Variants in NSMCE2 observed in about 807,000 individuals in gnomAD.
NSMCE2 encodes NSE2 SUMO ligase component of SMC5/6 complex, also known as E3 SUMO-protein ligase NSE2.
NSMCE2 carries 24 observed loss-of-function variants against 23.8 expected under a neutral mutation model. The ratio of observed to expected loss-of-function variants is 1.01; its 90% CI spans 0.73 to 1.42. The LOEUF (loss-of-function observed/expected upper bound fraction) is 1.42, where lower values mean the gene tolerates loss of function less well. Among genes scored for constraint, NSMCE2 ranks in the 40% most tolerant of loss-of-function variants. The pLI, the probability that NSMCE2 is intolerant of heterozygous loss-of-function variation, is 0.00. For synonymous variants in NSMCE2, 92 were observed against 94.1 expected (o/e 0.98, Z 0.13); for missense variants, 284 against 296.5 (o/e 0.96, Z 0.31).
At chr8:125,112,889 A>G (rs1343604137) in intron 3 of NSMCE2, among the ~76,000 whole-genome samples, 1 of 152,220 alleles carries the variant, frequency 6.6e-6, no homozygotes, top group Non-Finnish European at 1.5e-5. Flanking sequence ...GTAGATTTTA[A>G]GTGTTTTCAC....
At chr8:125,159,220 T>C (rs1163024839) in intron 4 of NSMCE2, among the ~76,000 whole-genome samples, 1 of 152,246 alleles carries the variant, frequency 6.6e-6, no homozygotes, top group Non-Finnish European at 1.5e-5. Flanking sequence ...TGTTAATCTC[T>C]TGCTGTGTGT....
chr8:125,357,462 C>T (rs983938050), intron 6 of NSMCE2, 143 bp downstream of exon 6: 15 of 680,256 alleles, frequency 2.2e-5, no homozygotes, highest in South Asian at 7.4e-5. Context: ...AGAGTATCCA[C>T]GGGAGGTTCT....
At chr8:125,198,634 T>C (rs1299563116) in intron 5 of NSMCE2, among the ~76,000 whole-genome samples, 1 of 152,240 alleles carries the variant, frequency 6.6e-6, no homozygotes, top group Non-Finnish European at 1.5e-5. Flanking sequence ...ATCAGAGATA[T>C]TGGTCTAAAA....
chr8:125,126,128 A>C (rs1004911308), intron 3 of NSMCE2, among the ~76,000 whole-genome samples: 42 of 152,262 alleles, frequency 2.8e-4, no homozygotes, highest in Middle Eastern at 3.4e-3. Context: ...CACACCTGTA[A>C]TTCCAGCACT....
intron 4 of NSMCE2, among the ~76,000 whole-genome samples, chr8:125,180,509 A>G (rs1039266724): frequency 1.3e-5 from 2 of 152,242 alleles, no homozygotes; most frequent in Non-Finnish European, 2.9e-5. Flanking sequence ...CTCTGTGACA[A>G]AAGTTAAAGC....
chr8:125,335,495 T>G (rs1284955136), intron 5 of NSMCE2, among the ~76,000 whole-genome samples: 1 of 152,180 alleles, frequency 6.6e-6, no homozygotes, highest in African/African-American at 2.4e-5. Flanking sequence ...TGCTACACCT[T>G]AAGCCCTCTC....
At chr8:125,229,557 A>G (rs902724629) in intron 5 of NSMCE2, among the ~76,000 whole-genome samples, 2 of 152,196 alleles carry the variant, frequency 1.3e-5, no homozygotes, top group African/African-American at 4.8e-5. Context: ...CTAAAGAAGT[A>G]CCGACATTTG....
At chr8:125,213,146 G>A (rs997779311) in intron 5 of NSMCE2, among the ~76,000 whole-genome samples, 10 of 152,144 alleles carry the variant, frequency 6.6e-5, no homozygotes, top group Non-Finnish European at 1.2e-4. Flanking sequence ...GTATGAAAAA[G>A]AAATGTTGAA....
intron 7 of NSMCE2, among the ~76,000 whole-genome samples, chr8:125,360,197 A>G (rs1813468466): frequency 6.6e-6 from 1 of 152,200 alleles, no homozygotes; most frequent in Non-Finnish European, 1.5e-5. Context: ...GACTCAGCTC[A>G]GGTCATCCTA....
At chr8:125,310,293 C>T (rs995565058) in intron 5 of NSMCE2, among the ~76,000 whole-genome samples, 1 of 152,042 alleles carries the variant, frequency 6.6e-6, no homozygotes, top group Non-Finnish European at 1.5e-5. Flanking sequence ...AGATTTGGGG[C>T]AAGTTATTTA....
chr8:125,287,572 C>T (rs1289823801), intron 5 of NSMCE2, among the ~76,000 whole-genome samples: 1 of 152,162 alleles, frequency 6.6e-6, no homozygotes, highest in Non-Finnish European at 1.5e-5. Context: ...TTAGTTATCT[C>T]TTCTTTCTGT....
intron 5 of NSMCE2, among the ~76,000 whole-genome samples, chr8:125,218,414 G>GTTT (rs34237629): frequency 0.026 from 3,698 of 141,536 alleles, 154 homozygotes; most frequent in African/African-American, 0.089. Context: ...AAAATTGAGG[G>GTTT]TTTTTTTTTT....
intron 5 of NSMCE2, among the ~76,000 whole-genome samples, chr8:125,255,984 G>A (rs867042028): frequency 2.6e-5 from 4 of 152,070 alleles, no homozygotes; most frequent in Middle Eastern, 3.2e-3. Flanking sequence ...TATTTAGAGG[G>A]TAAAAAGAAT....
intron 4 of NSMCE2, among the ~76,000 whole-genome samples, chr8:125,175,505 T>C (rs1822442166): frequency 2.6e-5 from 4 of 152,218 alleles, no homozygotes; most frequent in African/African-American, 9.7e-5. Context: ...TAAATGTAAA[T>C]CACTGGGTAT....
intron 3 of NSMCE2, among the ~76,000 whole-genome samples, chr8:125,144,676 C>T (rs1303015521): frequency 6.6e-6 from 1 of 152,144 alleles, no homozygotes; most frequent in African/African-American, 2.4e-5. Context: ...GATCCTTTCT[C>T]CTTCATTTTG....
rs1178633852 is a variant in NSMCE2 at position 125,244,628 on chromosome 8, A to G, written c.418+62372A>G. Reference sequence around the variant, plus strand: ...GAAAACACATACCAGACAACAAACTAAAAAATTTGGGGTGCTACTGTTGAA... The same window carrying G: ...GAAAACACATACCAGACAACAAACTGAAAAATTTGGGGTGCTACTGTTGAA... On this transcript the variant is annotated intron_variant, in intron 5 of 7. Transcript: ENST00000287437. 2.0e-5 allele frequency among the ~76,000 whole-genome samples: 3 copies of G among 152,190 alleles called. No individual in the cohort carries two copies. The East Asian group carries it at 5.8e-4, about 29-fold the overall frequency.
chr8:125,103,643 A>G (rs912008746), intron 3 of NSMCE2, among the ~76,000 whole-genome samples: 16 of 152,350 alleles, frequency 1.1e-4, no homozygotes, highest in African/African-American at 3.1e-4. Flanking sequence ...TGTCCCATAA[A>G]TCAGTGGAAC....
intron 5 of NSMCE2, among the ~76,000 whole-genome samples, chr8:125,334,359 T>C (rs531657471): frequency 6.6e-6 from 1 of 152,226 alleles, no homozygotes; most frequent in Non-Finnish European, 1.5e-5. Flanking sequence ...TCTCTGCCCT[T>C]GAGAACAGCG....
intron 5 of NSMCE2, among the ~76,000 whole-genome samples, chr8:125,268,874 G>T (rs761259388): frequency 3.9e-5 from 6 of 152,168 alleles, no homozygotes; most frequent in Non-Finnish European, 7.3e-5. Context: ...CTTGAGCTTA[G>T]AAAATACAAA....
Sources: allele counts gnomAD v4.1 joint callset (sites outside exome capture counted in the v4.1 genomes callset), GRCh38; gene constraint gnomAD v4.1.1; transcripts MANE v1.5; gene names NCBI Gene and HGNC (gene_info 2026-07-23, HGNC 2026-07-21).